DPYD: variants seen among roughly 807,000 people sequenced by gnomAD.
DPYD encodes the protein dihydropyrimidine dehydrogenase.
A neutral mutation model predicts 116.2 loss-of-function variants in DPYD; 109 were observed. That is an observed-to-expected ratio of 0.94 (90% confidence interval 0.80 to 1.10). DPYD has a LOEUF of 1.10. Among genes scored for constraint, DPYD ranks in the 50% least tolerant of loss-of-function variants. The pLI, the probability that DPYD is intolerant of heterozygous loss-of-function variation, is 0.00. For missense variants in DPYD, 1,302 were observed against 1,254.5 expected (o/e 1.04, Z -0.57); for synonymous variants, 440 against 432.0 (o/e 1.02, Z -0.23).
chr1:97,532,122 G>T (rs1372007100), intron 12 of DPYD, among the ~76,000 whole-genome samples: 2 of 151,732 alleles, frequency 1.3e-5, no homozygotes, highest in Non-Finnish European at 2.9e-5. Context: ...TCTTTGGTTT[G>T]GCATATGGTT....
At chr1:97,529,463 T>C (rs532008570) in intron 12 of DPYD, among the ~76,000 whole-genome samples, 15 of 152,318 alleles carry the variant, frequency 9.8e-5, no homozygotes, top group African/African-American at 3.1e-4. Flanking sequence ...AGAGCAGTAT[T>C]ATTACACACC....
At chr1:97,661,350 G>C (rs1423709061) in intron 8 of DPYD, among the ~76,000 whole-genome samples, 1 of 152,110 alleles carries the variant, frequency 6.6e-6, no homozygotes, top group African/African-American at 2.4e-5. Context: ...CAATGGTAGA[G>C]ACCATATGTT....
intron 20 of DPYD, among the ~76,000 whole-genome samples, chr1:97,173,359 C>CAT (rs573950504): frequency 1.6e-4 from 24 of 148,022 alleles, no homozygotes; most frequent in African/African-American, 5.5e-4. Flanking sequence ...CATATATGTA[C>CAT]ATATATACAT....
At chr1:97,117,520 G>C (rs1652072845) in intron 20 of DPYD, among the ~76,000 whole-genome samples, 1 of 152,160 alleles carries the variant, frequency 6.6e-6, no homozygotes, top group African/African-American at 2.4e-5. Flanking sequence ...ATTCTATAAA[G>C]TTAATACAGA....
chr1:97,775,596 C>T (rs1292042933), intron 3 of DPYD, among the ~76,000 whole-genome samples: 3 of 152,100 alleles, frequency 2.0e-5, no homozygotes, highest in Non-Finnish European at 2.9e-5. Flanking sequence ...CCTATTTCTG[C>T]CTCCCTACTC....
chr1:97,743,577 G>T (rs539944517), intron 3 of DPYD, among the ~76,000 whole-genome samples: 26 of 152,150 alleles, frequency 1.7e-4, no homozygotes, highest in African/African-American at 6.3e-4. Flanking sequence ...ATTACAGAGT[G>T]CATTTACTGC....
At chr1:97,816,993 T>C (rs1429983072) in intron 3 of DPYD, among the ~76,000 whole-genome samples, 2 of 152,178 alleles carry the variant, frequency 1.3e-5, no homozygotes, top group African/African-American at 4.8e-5. Flanking sequence ...AAATTTCTTC[T>C]AATGGACTTA....
At chr1:97,379,486 C>T (rs1671816645) in intron 15 of DPYD, among the ~76,000 whole-genome samples, 1 of 152,136 alleles carries the variant, frequency 6.6e-6, no homozygotes, top group African/African-American at 2.4e-5. Flanking sequence ...TAAAGGGGAG[C>T]CCCAGTCCCT....
At chr1:97,841,813 T>C (rs1328787517) in intron 2 of DPYD, among the ~76,000 whole-genome samples, 1 of 152,034 alleles carries the variant, frequency 6.6e-6, no homozygotes, top group Non-Finnish European at 1.5e-5. Flanking sequence ...ATTATGCTTA[T>C]TTTTTGTTTG....
chr1:97,113,721 C>T (rs1443315060), intron 20 of DPYD, among the ~76,000 whole-genome samples: 2 of 152,018 alleles, frequency 1.3e-5, no homozygotes, highest in African/African-American at 4.8e-5. Flanking sequence ...AAGCACAGCT[C>T]TATATTTCAT....
intron 8 of DPYD, among the ~76,000 whole-genome samples, chr1:97,671,785 G>A (rs1325379460): frequency 6.6e-6 from 1 of 151,684 alleles, no homozygotes; most frequent in Non-Finnish European, 1.5e-5. Flanking sequence ...TGACAGGGGA[G>A]GGATATATGC....
chr1:97,412,644 G>GA (rs1198002426), intron 14 of DPYD, among the ~76,000 whole-genome samples: 2 of 151,960 alleles, frequency 1.3e-5, no homozygotes, highest in Non-Finnish European at 2.9e-5. Flanking sequence ...TAAGTTTTAG[G>GA]AAAAAAGTGT....
intron 12 of DPYD, among the ~76,000 whole-genome samples, chr1:97,545,136 T>C (rs1650730975): frequency 6.6e-6 from 1 of 152,122 alleles, no homozygotes; most frequent in Non-Finnish European, 1.5e-5. Context: ...CTTAGATAAG[T>C]AGTTGGTAAA....
intron 16 of DPYD, among the ~76,000 whole-genome samples, chr1:97,345,201 C>T (rs940924293): frequency 1.3e-5 from 2 of 151,714 alleles, no homozygotes; most frequent in African/African-American, 4.8e-5. Context: ...TCCTAATGTC[C>T]CATTTTCCCC....
chr1:97,850,984 T>C (rs1380552696), intron 2 of DPYD, among the ~76,000 whole-genome samples: 2 of 152,100 alleles, frequency 1.3e-5, no homozygotes, highest in South Asian at 2.1e-4. Flanking sequence ...AAATTGTCTA[T>C]GTAATAAAAC....
intron 4 of DPYD, among the ~76,000 whole-genome samples, chr1:97,739,057 G>C (rs1029144892): frequency 6.6e-6 from 1 of 152,000 alleles, no homozygotes; most frequent in African/African-American, 2.4e-5. Flanking sequence ...CCTCATGCTT[G>C]ATATGAAGAG....
At chr1:97,312,567 C>A (rs772841144) in intron 16 of DPYD, among the ~76,000 whole-genome samples, 1 of 151,804 alleles carries the variant, frequency 6.6e-6, no homozygotes, top group Non-Finnish European at 1.5e-5. Context: ...AAATACTATG[C>A]AGCCATTAAA....
At chr1:97,213,202 T>A (rs1456854630) in intron 19 of DPYD, among the ~76,000 whole-genome samples, 3 of 152,120 alleles carry the variant, frequency 2.0e-5, no homozygotes, top group African/African-American at 7.2e-5. Context: ...GGGGTTAGTA[T>A]TCCAACATAT....
intron 3 of DPYD, among the ~76,000 whole-genome samples, chr1:97,743,013 G>A (rs1468698539): frequency 6.6e-6 from 1 of 152,060 alleles, no homozygotes; most frequent in Non-Finnish European, 1.5e-5. Context: ...AATGTCAGCA[G>A]ATATAAGGGA....
Sources: allele counts gnomAD v4.1 joint callset (sites outside exome capture counted in the v4.1 genomes callset), GRCh38; gene constraint gnomAD v4.1.1; transcripts MANE v1.5; gene names NCBI Gene and HGNC (gene_info 2026-07-23, HGNC 2026-07-21).